ASCC3: variants seen among roughly 807,000 people sequenced by gnomAD.
ASCC3 encodes the protein activating signal cointegrator 1 complex subunit 3, also known as ASC-1 complex subunit P200.
A neutral mutation model predicts 256.3 loss-of-function variants in ASCC3; 158 were observed. That is an observed-to-expected ratio of 0.62 (90% CI 0.54 to 0.70). The LOEUF is 0.70. ASCC3 is among the 30% of genes least tolerant of loss of function. The probability of loss-of-function intolerance (pLI) is 0.00; values close to 1 mark genes in which losing one functional copy is unlikely to be tolerated. For synonymous variants in ASCC3, 948 were observed against 883.4 expected (o/e 1.07, Z -1.30); for missense variants, 2,259 against 2,626.0 (o/e 0.86, Z 3.05).
intron 4 of ASCC3, among the ~76,000 whole-genome samples, chr6:100,821,383 T>C (rs1771034185): frequency 7.0e-6 from 1 of 143,776 alleles, no homozygotes; most frequent in South Asian, 2.2e-4. Context: ...CTAAGAGAAC[T>C]GAAATACGTG....
chr6:100,592,905 T>C (rs1463097470), intron 34 of ASCC3, among the ~76,000 whole-genome samples: 3 of 152,150 alleles, frequency 2.0e-5, no homozygotes, highest in Non-Finnish European at 4.4e-5. Context: ...AAACGTAGTT[T>C]TATGTTCACT....
chr6:100,595,283 CGTTT>C (rs766590319), intron 34 of ASCC3, among the ~76,000 whole-genome samples: 8,496 of 152,114 alleles, frequency 0.056, 338 homozygotes, highest in Non-Finnish European at 0.085. Flanking sequence ...ACAATGTACA[CGTTT>C]TGAAACAGCA....
At chr6:100,790,061 G>C (rs1769281302) in intron 8 of ASCC3, among the ~76,000 whole-genome samples, 1 of 151,830 alleles carries the variant, frequency 6.6e-6, no homozygotes, top group African/African-American at 2.4e-5. Flanking sequence ...TTTATGTGAA[G>C]GGTTCCCAGA....
intron 3 of ASCC3, among the ~76,000 whole-genome samples, chr6:100,850,832 A>G (rs532915633): frequency 5.3e-5 from 8 of 152,252 alleles, no homozygotes; most frequent in Admixed American, 4.6e-4. Flanking sequence ...CATTCTATAC[A>G]TTTTACTTAT....
Position 100,800,442 on chromosome 6 carries a change from G to GA in ASCC3, c.984dup (p.Gln329SerfsTer3). ...ATTAACTGCTTTTCTTGTTCAGACTGAATAGTGACTTGACAACCATAATTG... is the reference window on the plus strand; with the variant it reads ...ATTAACTGCTTTTCTTGTTCAGACTGAAATAGTGACTTGACAACCATAATTG... On this transcript the variant is annotated frameshift_variant, in exon 6 of 42. Transcript: ENST00000369162. LOFTEE classifies it high-confidence loss of function. The GA allele has an allele frequency of 6.2e-7, 1 of 1,612,284 alleles. No homozygotes were observed. The highest frequency in any genetic ancestry group is 8.5e-7 in the Non-Finnish European group (1 of 1,179,134).
chr6:100,738,441 C>T (rs1023408402), intron 10 of ASCC3, among the ~76,000 whole-genome samples: 3 of 152,146 alleles, frequency 2.0e-5, no homozygotes, highest in African/African-American at 7.2e-5. Context: ...ATATGGCTAG[C>T]CAGTTCTCTC....
intron 1 of ASCC3, among the ~76,000 whole-genome samples, chr6:100,869,212 A>G (rs1773623172): frequency 1.3e-5 from 2 of 152,140 alleles, no homozygotes; most frequent in South Asian, 2.1e-4. Flanking sequence ...ACTAAACATA[A>G]AATGCAGAGG....
chr6:100,671,130 A>C (rs1776724273), intron 14 of ASCC3, among the ~76,000 whole-genome samples: 1 of 152,192 alleles, frequency 6.6e-6, no homozygotes, highest in East Asian at 1.9e-4. Context: ...AGGCAAACAC[A>C]CAATGGTTGT....
At chr6:100,581,108 G>C (rs1384783359) in intron 36 of ASCC3, among the ~76,000 whole-genome samples, 1 of 152,032 alleles carries the variant, frequency 6.6e-6, no homozygotes, top group East Asian at 1.9e-4. Flanking sequence ...GTAATGGGAT[G>C]GCTGGGTCAA....
chr6:100,533,669 T>A (rs1775023363), intron 37 of ASCC3, among the ~76,000 whole-genome samples: 2 of 152,252 alleles, frequency 1.3e-5, no homozygotes, highest in Non-Finnish European at 2.9e-5. Context: ...TTTCTCTTTT[T>A]GCATAACACA....
intron 30 of ASCC3, among the ~76,000 whole-genome samples, chr6:100,614,796 T>C (rs1490648653): frequency 2.0e-5 from 3 of 152,232 alleles, no homozygotes; most frequent in Non-Finnish European, 4.4e-5. Flanking sequence ...TTTGAAATAA[T>C]GAGTTATGAA....
At chr6:100,818,457 C>A (rs1361756687) in intron 4 of ASCC3, among the ~76,000 whole-genome samples, 1 of 151,392 alleles carries the variant, frequency 6.6e-6, no homozygotes, top group Non-Finnish European at 1.5e-5. Flanking sequence ...ATCCCAGCTA[C>A]TCAGGAGGTT....
chr6:100,727,875 A>T (rs1779714479), intron 10 of ASCC3, among the ~76,000 whole-genome samples: 1 of 152,098 alleles, frequency 6.6e-6, no homozygotes, highest in Non-Finnish European at 1.5e-5. Context: ...CATTCTAAGG[A>T]GAAAAAAATT....
intron 30 of ASCC3, among the ~76,000 whole-genome samples, chr6:100,616,099 A>C (rs776526284): frequency 6.6e-6 from 1 of 152,222 alleles, no homozygotes; most frequent in African/African-American, 2.4e-5. Flanking sequence ...CTTACCTACA[A>C]GAAGAGGCCA....
intron 33 of ASCC3, among the ~76,000 whole-genome samples, chr6:100,602,278 CTAGT>C (rs1333978202): frequency 6.6e-6 from 1 of 151,818 alleles, no homozygotes; most frequent in Non-Finnish European, 1.5e-5. Context: ...AAAAAGTGGG[CTAGT>C]TAGAATGTCA....
intron 39 of ASCC3, 92 bp from the exon 40 acceptor site, chr6:100,513,010 A>G (rs1773849857): frequency 8.8e-7 from 1 of 1,131,568 alleles, no homozygotes; most frequent in African/African-American, 1.5e-5. Context: ...ACGAAAATTA[A>G]CCTTTTAATG....
intron 34 of ASCC3, 70 bp downstream of exon 34, chr6:100,601,740 A>C: frequency 6.4e-7 from 1 of 1,566,582 alleles, no homozygotes; most frequent in Admixed American, 1.7e-5. Context: ...CTTAATTTGG[A>C]GTTTATTACT....
intron 8 of ASCC3, among the ~76,000 whole-genome samples, chr6:100,778,731 A>G (rs1297585420): frequency 2.6e-5 from 4 of 152,118 alleles, no homozygotes; most frequent in African/African-American, 9.6e-5. Flanking sequence ...AGATTTTTTA[A>G]TATTTAAAAT....
At chr6:100,512,298 T>G (rs1249772175) in intron 40 of ASCC3, among the ~76,000 whole-genome samples, 2 of 152,172 alleles carry the variant, frequency 1.3e-5, no homozygotes, top group African/African-American at 4.8e-5. Context: ...TCTAGGCCAG[T>G]ACTGCTCAAG....
Sources: gnomAD v4.1 joint callset for allele counts (sites outside exome capture counted in the v4.1 genomes callset) on GRCh38, gnomAD v4.1.1 for gene constraint, MANE v1.5 for transcripts, NCBI Gene and HGNC (gene_info 2026-07-23, HGNC 2026-07-21) for gene names.